TRAPPC6B: variants seen among roughly 807,000 people sequenced by gnomAD.
TRAPPC6B encodes the protein TRAPP complex subunit 6B.
Under a neutral mutation model 24.7 loss-of-function variants are expected in TRAPPC6B, and 27 were observed. That is an observed-to-expected ratio of 1.09 (90% CI 0.81 to 1.51). The LOEUF (loss-of-function observed/expected upper bound fraction) is 1.51, where lower values mean the gene tolerates loss of function less well. Ranked by LOEUF, TRAPPC6B falls within the 40% of genes most tolerant of loss-of-function variation. TRAPPC6B has a pLI of 0.00. For synonymous variants in TRAPPC6B, 80 were observed against 66.6 expected (o/e 1.20, Z -0.98); for missense variants, 212 against 190.8 (o/e 1.11, Z -0.66).
At chr14:39,151,440 T>C (rs1042543562) in intron 5 of TRAPPC6B, among the ~76,000 whole-genome samples, 2 of 151,562 alleles carry the variant, frequency 1.3e-5, no homozygotes, top group Admixed American at 6.6e-5. Context: ...CTAGGGAAAT[T>C]TGCTATCTTA....
intron 1 of TRAPPC6B, among the ~76,000 whole-genome samples, chr14:39,161,887 C>A (rs1025447695): frequency 6.6e-6 from 1 of 152,200 alleles, no homozygotes; most frequent in African/African-American, 2.4e-5. Context: ...ACGAGAATCT[C>A]TAGAAGTGCC....
At chr14:39,154,394 TAA>T (rs1420979368) in intron 3 of TRAPPC6B, 100 bp from the exon 4 acceptor site, 2 of 774,726 alleles carry the variant, frequency 2.6e-6, no homozygotes, top group Non-Finnish European at 4.1e-6. Flanking sequence ...TTAAAGTTAT[TAA>T]AAGTCTCCTT....
chr14:39,162,335 T>G lies in TRAPPC6B; in HGVS notation c.82-2785A>C, dbSNP rs1417741377. On this transcript the variant is annotated intron_variant, in intron 1 of 5. Transcript: ENST00000330149. ...CACCATGCCTGGCTATTTTTTTTTT[T>G]TTTAAGAGATGGGATCTCACTCTGT... Among the ~76,000 whole-genome samples, 4 of 151,956 alleles carry G rather than the reference T, an allele frequency of 2.6e-5. No homozygotes were observed. In the East Asian group the frequency reaches 7.7e-4, roughly 29 times the overall value.
chr14:39,166,056 C>T (rs1023187312), intron 1 of TRAPPC6B, among the ~76,000 whole-genome samples: 1 of 151,980 alleles, frequency 6.6e-6, no homozygotes, highest in African/African-American at 2.4e-5. Flanking sequence ...CCTGCCTTGG[C>T]CTCCCAAAGT....
chr14:39,166,833 C>T (rs1307797893), intron 1 of TRAPPC6B, among the ~76,000 whole-genome samples: 1 of 135,356 alleles, frequency 7.4e-6, no homozygotes, highest in Non-Finnish European at 1.7e-5. Flanking sequence ...ACTGCATCCC[C>T]AACCAACCAG....
In TRAPPC6B at chr14:39,158,339, A is replaced by C. The variant is rs759648819; in HGVS notation, c.213T>G (p.Asp71Glu). 9.4e-6 allele frequency: 15 copies of C among 1,604,236 alleles called. No homozygotes were observed. The highest frequency in any genetic ancestry group is 1.0e-5 in the Non-Finnish European group (12 of 1,177,960). The change falls in exon 3 of 6, where the codon GAT (aspartate) becomes GAG (glutamate). Residue 71 changes from aspartate to glutamate, a missense_variant. Physicochemically the swap from Asp to Glu is conservative, Grantham distance 45. Transcript: ENST00000330149. Reference sequence around the variant, plus strand: ...GTTTCTTGAATACCGTAGTCCAAAAATCTTTACAAATGAACTTCATGATAT... The same window carrying C: ...GTTTCTTGAATACCGTAGTCCAAAACTCTTTACAAATGAACTTCATGATAT... The part of the protein sequence containing the change: ...ELDIMKFICK[D>E]FWTTVFKKQI...
chr14:39,160,118 G>A (rs576017531), intron 1 of TRAPPC6B, among the ~76,000 whole-genome samples: 5 of 150,744 alleles, frequency 3.3e-5, no homozygotes, highest in Admixed American at 2.0e-4. Context: ...GTGAGCCACC[G>A]CGCCCAGACA....
At chr14:39,158,039 T>G (rs865894327) in intron 3 of TRAPPC6B, among the ~76,000 whole-genome samples, 1 of 152,220 alleles carries the variant, frequency 6.6e-6, no homozygotes, top group Non-Finnish European at 1.5e-5. Context: ...TCCTGACTTA[T>G]GCTACTTTAA....
chr14:39,150,547 C>CT (rs531193661), intron 5 of TRAPPC6B, among the ~76,000 whole-genome samples, 166 bp from the exon 6 acceptor site: 104 of 151,196 alleles, frequency 6.9e-4, no homozygotes, highest in East Asian at 2.1e-3. Flanking sequence ...TCTATTTTTT[C>CT]TTTTTTTTTG....
intron 3 of TRAPPC6B, chr14:39,156,612 T>C (rs1016854811): frequency 2.6e-5 from 4 of 152,124 alleles, no homozygotes; most frequent in African/African-American, 9.7e-5. Flanking sequence ...TCTATTAATT[T>C]TGTAGTAAGA....
chr14:39,147,934 C>A lies in TRAPPC6B; in HGVS notation c.*2416G>T, dbSNP rs1566543399. The A allele has an allele frequency of 6.6e-6, 1 of 152,138 alleles. No individual in the cohort carries two copies. Among genetic ancestry groups the A allele is most frequent in the African/African-American group, 2.4e-5 (1 of 41,436 alleles). 9.4% of individuals were successfully genotyped at this position (152,138 alleles called of 1,614,324 possible). On this transcript the variant is annotated 3_prime_UTR_variant, in exon 6 of 6. Transcript: ENST00000330149. Reference sequence around the variant, plus strand: ...CTAATTTTTGAATAACCTAACTCTCCCTTTGTTTCTACTAAGAGAGGTTTC... The same window carrying A: ...CTAATTTTTGAATAACCTAACTCTCACTTTGTTTCTACTAAGAGAGGTTTC...
At chr14:39,162,570 C>G (rs1473970906) in intron 1 of TRAPPC6B, among the ~76,000 whole-genome samples, 2 of 152,164 alleles carry the variant, frequency 1.3e-5, no homozygotes, top group Admixed American at 1.3e-4. Flanking sequence ...ATTCTTCTCT[C>G]CTAGGTTATA....
intron 5 of TRAPPC6B, among the ~76,000 whole-genome samples, chr14:39,150,801 T>C (rs2052902112): frequency 6.6e-6 from 1 of 152,142 alleles, no homozygotes; most frequent in Non-Finnish European, 1.5e-5. Flanking sequence ...CCTCCCAAAG[T>C]GCTGAGCTTA....
intron 3 of TRAPPC6B, chr14:39,157,629 G>T: frequency 2.8e-6 from 1 of 358,090 alleles, no homozygotes. Flanking sequence ...AGGCAAGACT[G>T]GGATGTCTAA....
At chr14:39,166,041 ACCTG>A (rs1335800291) in intron 1 of TRAPPC6B, among the ~76,000 whole-genome samples, 1 of 151,514 alleles carries the variant, frequency 6.6e-6, no homozygotes, top group African/African-American at 2.4e-5. Flanking sequence ...TGTCCTTGTG[ACCTG>A]CCTGCCTTGG....
chr14:39,168,013 A>C (rs1490594535), intron 1 of TRAPPC6B, among the ~76,000 whole-genome samples: 1 of 152,206 alleles, frequency 6.6e-6, no homozygotes, highest in Non-Finnish European at 1.5e-5. Context: ...CAGAAGTTCA[A>C]GAACAGCCTG....
At chr14:39,154,959 ACT>A (rs2052958376) in intron 3 of TRAPPC6B, among the ~76,000 whole-genome samples, 1 of 151,736 alleles carries the variant, frequency 6.6e-6, no homozygotes. Context: ...ATGAGCTCTC[ACT>A]CTGTTGTCTA....
chr14:39,160,650 A>AAGAG (rs1165981734), intron 1 of TRAPPC6B, among the ~76,000 whole-genome samples: 5 of 151,424 alleles, frequency 3.3e-5, no homozygotes, highest in African/African-American at 2.4e-5. Flanking sequence ...GGAAGGGAGA[A>AAGAG]AGAGAGAGAG....
intron 1 of TRAPPC6B, among the ~76,000 whole-genome samples, chr14:39,165,422 C>T (rs2053098397): frequency 2.0e-5 from 3 of 152,120 alleles, no homozygotes; most frequent in Non-Finnish European, 2.9e-5. Flanking sequence ...CCTATGCTGT[C>T]GTAAAATTCT....
Sources: gnomAD v4.1 joint callset for allele counts (sites outside exome capture counted in the v4.1 genomes callset) on GRCh38, gnomAD v4.1.1 for gene constraint, MANE v1.5 for transcripts, NCBI Gene and HGNC (gene_info 2026-07-23, HGNC 2026-07-21) for gene names.